The following ADAMTSL3 variants were observed in gnomAD, a reference collection of about 807,000 sequenced individuals.
The protein encoded by ADAMTSL3 is ADAMTS like 3.
A neutral mutation model predicts 201.7 loss-of-function variants in ADAMTSL3; 128 were observed. That is an observed-to-expected ratio of 0.63 (90% CI 0.55 to 0.73). ADAMTSL3 has a LOEUF of 0.73. Among genes scored for constraint, ADAMTSL3 ranks in the 30% least tolerant of loss-of-function variants. ADAMTSL3 has a pLI of 0.00. For synonymous variants in ADAMTSL3, 738 were observed against 748.4 expected, an observed-to-expected ratio of 0.99 and a Z score of 0.23; for missense variants, 1,990 against 2,119.6, an observed-to-expected ratio of 0.94 and a Z score of 1.20.
At chr15:83,841,795 G>T (rs996839735) in intron 7 of ADAMTSL3, among the ~76,000 whole-genome samples, 2 of 151,860 alleles carry the variant, frequency 1.3e-5, no homozygotes, top group South Asian at 2.1e-4. Flanking sequence ...ATTTTCCAAG[G>T]CCACTCTGGC....
intron 2 of ADAMTSL3, among the ~76,000 whole-genome samples, chr15:83,661,724 G>A (rs9796714): frequency 0.85 from 128,223 of 151,520 alleles, 54,674 homozygotes; most frequent in East Asian, 0.96. Flanking sequence ...ACAAATTTAC[G>A]AGAAAAAAAC....
At chr15:83,663,968 A>C (rs1171721249) in intron 2 of ADAMTSL3, among the ~76,000 whole-genome samples, 2 of 151,878 alleles carry the variant, frequency 1.3e-5, no homozygotes, top group Admixed American at 6.6e-5. Flanking sequence ...CTTTTAAAAA[A>C]TGCTCCTCAA....
intron 2 of ADAMTSL3, among the ~76,000 whole-genome samples, chr15:83,700,491 C>T (rs1056281632): frequency 2.4e-4 from 36 of 152,256 alleles, no homozygotes; most frequent in African/African-American, 6.7e-4. Context: ...TGGCTGGGCG[C>T]GGTGGCTCAT....
intron 9 of ADAMTSL3, among the ~76,000 whole-genome samples, chr15:83,871,710 C>T (rs896157913): frequency 1.3e-5 from 2 of 152,156 alleles, no homozygotes; most frequent in Non-Finnish European, 2.9e-5. Flanking sequence ...ATTCAGAGGA[C>T]ATGAAGTATA....
At chr15:83,911,091 A>G (rs1270943971) in intron 15 of ADAMTSL3, among the ~76,000 whole-genome samples, 1 of 152,202 alleles carries the variant, frequency 6.6e-6, no homozygotes, top group African/African-American at 2.4e-5. Context: ...AAAATTAATG[A>G]CCATAAGGTA....
Position 83,721,443 on chromosome 15 carries a change from G to A in ADAMTSL3, c.189+16935G>A, listed in dbSNP as rs1314288035. Among the ~76,000 whole-genome samples, 4 of 152,202 alleles carry A rather than the reference G, an allele frequency of 2.6e-5. No individual in the cohort carries two copies. The South Asian group carries it at 6.2e-4, about 24-fold the overall frequency. On this transcript the variant is annotated intron_variant, in intron 3 of 29. Transcript: ENST00000286744. ...ATCTGCACACAGGGAGAACTCTGAC[G>A]CTTCAGACTCAGAAGCCTCTTAGTA...
intron 19 of ADAMTSL3, among the ~76,000 whole-genome samples, chr15:83,951,432 A>T (rs72748632): frequency 6.6e-6 from 1 of 152,112 alleles, no homozygotes; most frequent in Non-Finnish European, 1.5e-5. Context: ...TTTTGTTGAG[A>T]ATTTTTGCAT....
chr15:83,814,512 T>TC (rs1253894233), intron 5 of ADAMTSL3, among the ~76,000 whole-genome samples: 1 of 152,180 alleles, frequency 6.6e-6, no homozygotes, highest in African/African-American at 2.4e-5. Context: ...TTTTGTTACG[T>TC]CGTTTCCCGA....
In ADAMTSL3 at chr15:83,870,869, C is replaced by G; in HGVS notation, c.870C>G (p.Leu290=). ...EHSFNSPGVF[L]VENTTVEFQR... ...GCTTTAACAGCCCCGGCGTCTTTCT[C>G]GTAGAAAACACAACAGTGGAATTTC... The change falls in exon 9 of 30, where the codon CTC becomes CTG. Residue 290 remains leucine, a synonymous_variant. Coordinates refer to ENST00000286744, the MANE Select transcript of ADAMTSL3 (RefSeq NM_207517.3). 1 of 1,613,078 alleles carries G rather than the reference C, an allele frequency of 6.2e-7. No individual in the cohort carries two copies.
chr15:83,830,101 T>G (rs910797411), intron 6 of ADAMTSL3, among the ~76,000 whole-genome samples: 5 of 152,140 alleles, frequency 3.3e-5, no homozygotes, highest in African/African-American at 9.7e-5. Flanking sequence ...ATATCATGAT[T>G]AAGTAGATAG....
rs2065359968 is a variant in ADAMTSL3 at position 83,885,096 on chromosome 15, T to C, written c.961-5T>C. 1.9e-6 allele frequency: 3 copies of C among 1,607,880 alleles called. No homozygotes were observed. The highest frequency in any genetic ancestry group is 1.7e-6 in the Non-Finnish European group (2 of 1,174,684). On this transcript the variant is annotated splice_region_variant and splice_polypyrimidine_tract_variant and intron_variant, in intron 9 of 29. Transcript: ENST00000286744. ...ACGTGTGTTCTCACAGTTCTCTTTG[T>C]CCAGACCAGGTACACTGCAGCCAAA...
chr15:83,921,696 T>C (rs1421859259), intron 16 of ADAMTSL3, among the ~76,000 whole-genome samples: 1 of 152,184 alleles, frequency 6.6e-6, no homozygotes, highest in East Asian at 1.9e-4. Context: ...AAAATATGTA[T>C]GTATTTTGAG....
At chr15:83,970,409 T>G in intron 19 of ADAMTSL3, 75 bp from the exon 20 acceptor site, 26 of 1,563,986 alleles carry the variant, frequency 1.7e-5, no homozygotes, top group East Asian at 2.2e-5. Context: ...GTTTCACCCT[T>G]GGAGACTTTG....
intron 4 of ADAMTSL3, among the ~76,000 whole-genome samples, chr15:83,780,528 A>G (rs2063151482): frequency 6.6e-6 from 1 of 152,210 alleles, no homozygotes; most frequent in South Asian, 2.1e-4. Context: ...TGAAAGCTGG[A>G]AGCATTCCCC....
At position 83,965,659 on chromosome 15, in the gene ADAMTSL3, A is replaced by T. The variant is rs539921488; in HGVS notation, c.2491-4825A>T. On this transcript the variant is annotated intron_variant, in intron 19 of 29. Transcript: ENST00000286744. ...AATTAACAAGGATATTCAGGACTTG[A>T]ACTCAGCTCTGGACCAAGTGGACCT... 3.9e-5 allele frequency among the ~76,000 whole-genome samples: 6 copies of T among 152,330 alleles called. No homozygotes were observed. In the South Asian group the frequency reaches 1.2e-3, roughly 32 times the overall value.
At chr15:83,805,649 CAGT>C (rs1179188292) in intron 5 of ADAMTSL3, among the ~76,000 whole-genome samples, 2 of 152,094 alleles carry the variant, frequency 1.3e-5, no homozygotes, top group African/African-American at 2.4e-5. Context: ...TCCTGGTTAT[CAGT>C]AAGAGGCTAA....
intron 6 of ADAMTSL3, among the ~76,000 whole-genome samples, chr15:83,828,737 G>C (rs961014044): frequency 6.6e-6 from 1 of 152,022 alleles, no homozygotes; most frequent in African/African-American, 2.4e-5. Context: ...TTAGCATGAA[G>C]GTTGTTTAAT....
At chr15:83,751,021 A>G (rs2062629405) in intron 3 of ADAMTSL3, among the ~76,000 whole-genome samples, 1 of 152,210 alleles carries the variant, frequency 6.6e-6, no homozygotes. Context: ...TACAATGCTA[A>G]TTGCCAGAGA....
At chr15:83,703,745 C>G (rs1182112794) in intron 2 of ADAMTSL3, among the ~76,000 whole-genome samples, 2 of 152,210 alleles carry the variant, frequency 1.3e-5, no homozygotes, top group African/African-American at 4.8e-5. Flanking sequence ...TGAAAACGGA[C>G]TGGGGTATGA....
Sources: gnomAD v4.1 joint callset for allele counts (sites outside exome capture counted in the v4.1 genomes callset) on GRCh38, gnomAD v4.1.1 for gene constraint, MANE v1.5 for transcripts, NCBI Gene and HGNC (gene_info 2026-07-23, HGNC 2026-07-21) for gene names.